Variants in KCTD8 observed in about 807,000 individuals in gnomAD.
KCTD8 encodes the protein potassium channel tetramerization domain containing 8, also known as BTB/POZ domain-containing protein KCTD8.
In KCTD8, 27 loss-of-function variants were observed where a neutral mutation model predicts 31.5. That is an observed-to-expected ratio of 0.86 (90% confidence interval 0.63 to 1.18). The LOEUF (loss-of-function observed/expected upper bound fraction) is 1.18, where lower values mean the gene tolerates loss of function less well. Ranked by LOEUF, KCTD8 falls within the 50% of genes most tolerant of loss-of-function variation. The probability of loss-of-function intolerance (pLI) is 0.00; values close to 1 mark genes in which losing one functional copy is unlikely to be tolerated. For synonymous variants in KCTD8, 290 were observed against 280.0 expected (o/e 1.04, Z -0.36); for missense variants, 658 against 647.7 (o/e 1.02, Z -0.17).
chr4:44,354,666 G>A (rs182385114), intron 1 of KCTD8, among the ~76,000 whole-genome samples: 39 of 152,080 alleles, frequency 2.6e-4, no homozygotes, highest in East Asian at 1.2e-3. Flanking sequence ...ATGAGGATTC[G>A]TAAAATCCTC....
At chr4:44,238,902 T>G (rs1715367531) in intron 1 of KCTD8, among the ~76,000 whole-genome samples, 1 of 152,158 alleles carries the variant, frequency 6.6e-6, no homozygotes. Flanking sequence ...AAATAAATGT[T>G]GCACATCCAA....
chr4:44,262,677 C>T (rs1366882872), intron 1 of KCTD8, among the ~76,000 whole-genome samples: 9 of 151,882 alleles, frequency 5.9e-5, no homozygotes, highest in Non-Finnish European at 1.0e-4. Context: ...AATAAAATAA[C>T]TGTTATAGTT....
At chr4:44,387,090 T>C (rs941702597) in intron 1 of KCTD8, among the ~76,000 whole-genome samples, 1 of 151,424 alleles carries the variant, frequency 6.6e-6, no homozygotes, top group Admixed American at 6.6e-5. Flanking sequence ...ACAGTCAAAC[T>C]AAAAGCAAAA....
intron 1 of KCTD8, among the ~76,000 whole-genome samples, chr4:44,361,383 A>G (rs530150033): frequency 6.6e-6 from 1 of 152,118 alleles, no homozygotes; most frequent in East Asian, 1.9e-4. Flanking sequence ...ACAAAAGACC[A>G]CTCACTCAAT....
intron 1 of KCTD8, among the ~76,000 whole-genome samples, chr4:44,424,102 C>T (rs953340161): frequency 2.6e-5 from 4 of 152,008 alleles, no homozygotes; most frequent in African/African-American, 9.7e-5. Context: ...ACAATGAATG[C>T]CATAAACAAT....
chr4:44,178,625 G>A (rs1327837275), intron 1 of KCTD8, among the ~76,000 whole-genome samples: 1 of 151,992 alleles, frequency 6.6e-6, no homozygotes, highest in African/African-American at 2.4e-5. Context: ...AATAAGTGAT[G>A]AAAAAAATAA....
At chr4:44,289,224 A>G (rs1395884304) in intron 1 of KCTD8, among the ~76,000 whole-genome samples, 2 of 151,246 alleles carry the variant, frequency 1.3e-5, no homozygotes, top group Admixed American at 6.6e-5. Flanking sequence ...ATTGCATAAC[A>G]TTACATATTA....
chr4:44,407,831 A>G (rs983640816), intron 1 of KCTD8, among the ~76,000 whole-genome samples: 14 of 152,180 alleles, frequency 9.2e-5, no homozygotes, highest in African/African-American at 3.4e-4. Context: ...TATATTTATT[A>G]TATATTAAAC....
At chr4:44,275,866 G>A (rs1287173266) in intron 1 of KCTD8, among the ~76,000 whole-genome samples, 1 of 151,974 alleles carries the variant, frequency 6.6e-6, no homozygotes, top group Non-Finnish European at 1.5e-5. Flanking sequence ...TAGGAATGAT[G>A]CTGCCACGTA....
chr4:44,347,815 T>C (rs1320223899), intron 1 of KCTD8, among the ~76,000 whole-genome samples: 1 of 152,148 alleles, frequency 6.6e-6, no homozygotes, highest in Non-Finnish European at 1.5e-5. Flanking sequence ...AACGGAATCA[T>C]GCTAATGGCA....
intron 1 of KCTD8, among the ~76,000 whole-genome samples, chr4:44,244,849 G>GC (rs1491007437): frequency 7.8e-5 from 2 of 25,580 alleles, no homozygotes; most frequent in Admixed American, 2.7e-4. Flanking sequence ...TGTAGTTGTG[G>GC]GGGGGGGGGG....
chr4:44,336,923 A>T (rs1244603904), intron 1 of KCTD8, among the ~76,000 whole-genome samples: 2 of 151,930 alleles, frequency 1.3e-5, no homozygotes, highest in African/African-American at 4.8e-5. Flanking sequence ...TAAACGAGAG[A>T]AGTCTGTTTA....
At chr4:44,441,625 C>T (rs1332484981) in intron 1 of KCTD8, among the ~76,000 whole-genome samples, 1 of 152,068 alleles carries the variant, frequency 6.6e-6, no homozygotes, top group Non-Finnish European at 1.5e-5. Context: ...TGAAATAAGA[C>T]AGAACTATTC....
intron 1 of KCTD8, among the ~76,000 whole-genome samples, chr4:44,271,182 T>C (rs1716588191): frequency 6.6e-6 from 1 of 152,090 alleles, no homozygotes; most frequent in Non-Finnish European, 1.5e-5. Flanking sequence ...TCCTAATATA[T>C]TACAGTGTTA....
intron 1 of KCTD8, among the ~76,000 whole-genome samples, chr4:44,288,639 T>C (rs1006952031): frequency 2.0e-5 from 3 of 152,064 alleles, no homozygotes; most frequent in African/African-American, 7.2e-5. Context: ...ACTTTTTCTT[T>C]TCATGAAGAA....
intron 1 of KCTD8, among the ~76,000 whole-genome samples, chr4:44,186,293 G>A (rs911785493): frequency 6.6e-6 from 1 of 152,290 alleles, no homozygotes; most frequent in Non-Finnish European, 1.5e-5. Context: ...GGAGAATTGC[G>A]TCGCCTTACT....
At chr4:44,368,340 G>A (rs1323880972) in intron 1 of KCTD8, among the ~76,000 whole-genome samples, 1 of 151,996 alleles carries the variant, frequency 6.6e-6, no homozygotes, top group Admixed American at 6.6e-5. Context: ...AGCCCAGACT[G>A]CACCATTGTA....
chr4:44,263,738 A>G (rs893743949), intron 1 of KCTD8, among the ~76,000 whole-genome samples: 1 of 152,176 alleles, frequency 6.6e-6, no homozygotes, highest in Non-Finnish European at 1.5e-5. Flanking sequence ...CAAGTGACAC[A>G]TGAAGCTGAA....
At chr4:44,373,079 T>C (rs939451847) in intron 1 of KCTD8, among the ~76,000 whole-genome samples, 1 of 152,042 alleles carries the variant, frequency 6.6e-6, no homozygotes, top group African/African-American at 2.4e-5. Context: ...AAAAGGTCAA[T>C]AGAGGCCGGG....
Sources: gnomAD v4.1 joint callset for allele counts (sites outside exome capture counted in the v4.1 genomes callset) on GRCh38, gnomAD v4.1.1 for gene constraint, MANE v1.5 for transcripts, NCBI Gene and HGNC (gene_info 2026-07-23, HGNC 2026-07-21) for gene names.